PRDM16: variants seen among roughly 807,000 people sequenced by gnomAD.
PRDM16 encodes PR/SET domain 16.
In PRDM16, 23 loss-of-function variants were observed where a neutral mutation model predicts 110.6. That is an observed-to-expected ratio of 0.21 (90% CI 0.15 to 0.29). The LOEUF (loss-of-function observed/expected upper bound fraction) is 0.29, where lower values mean the gene tolerates loss of function less well. PRDM16 is among the 10% of genes least tolerant of loss of function. The pLI is 1.00. For synonymous variants in PRDM16, 799 were observed against 781.8 expected (o/e 1.02, Z -0.37); for missense variants, 1,615 against 1,794.3 (o/e 0.90, Z 1.81).
intron 3 of PRDM16, among the ~76,000 whole-genome samples, chr1:3,280,259 G>A (rs940373442): frequency 1.6e-4 from 25 of 152,286 alleles, no homozygotes; most frequent in Non-Finnish European, 1.3e-4. Flanking sequence ...TGCATGTGAC[G>A]TGTGCACATG....
chr1:3,103,967 A>T (rs1403042643), intron 1 of PRDM16, among the ~76,000 whole-genome samples: 2 of 152,224 alleles, frequency 1.3e-5, no homozygotes, highest in East Asian at 3.8e-4. Flanking sequence ...AACGGTTCAA[A>T]CCTATACAAT....
At chr1:3,345,884 C>T (rs767766927) in intron 3 of PRDM16, among the ~76,000 whole-genome samples, 21 of 152,232 alleles carry the variant, frequency 1.4e-4, no homozygotes, top group Non-Finnish European at 2.5e-4. Context: ...TGTCTCACTC[C>T]ACCCAGAGCT....
intron 12 of PRDM16, among the ~76,000 whole-genome samples, chr1:3,424,698 C>G (rs995650826): frequency 7.9e-5 from 12 of 152,272 alleles, no homozygotes; most frequent in Admixed American, 6.5e-4. Context: ...CCCAAGCCCT[C>G]CATGAATGGA....
chr1:3,417,774 T>G, intron 10 of PRDM16, 54 bp from the exon 11 acceptor site: 1 of 1,534,506 alleles, frequency 6.5e-7, no homozygotes, highest in Non-Finnish European at 9.0e-7. Flanking sequence ...TGCGTGCCCC[T>G]GAAGACAGGT....
intron 1 of PRDM16, among the ~76,000 whole-genome samples, chr1:3,171,173 G>A (rs769888271): frequency 6.6e-6 from 1 of 152,240 alleles, no homozygotes; most frequent in Non-Finnish European, 1.5e-5. Flanking sequence ...CTTGCGGCGT[G>A]ACTTGCTCTG....
At chr1:3,335,785 G>C (rs527901581) in intron 3 of PRDM16, among the ~76,000 whole-genome samples, 2 of 152,304 alleles carry the variant, frequency 1.3e-5, no homozygotes, top group Admixed American at 1.3e-4. Context: ...AGTCCACAGA[G>C]CCCAGCTGCC....
At chr1:3,154,585 G>A (rs1643830781) in intron 1 of PRDM16, among the ~76,000 whole-genome samples, 1 of 152,162 alleles carries the variant, frequency 6.6e-6, no homozygotes, top group African/African-American at 2.4e-5. Context: ...TGGCCCCCAT[G>A]GCCCAAGCTG....
In PRDM16 at chr1:3,425,617, G is replaced by T. The variant is rs558657594; in HGVS notation, c.2976G>T (p.Ser992=). The change falls in exon 13 of 17, where the codon TCG becomes TCT. Residue 992 remains serine (S), a synonymous_variant. Transcript: ENST00000270722. This position sits in a 1 kb window ranked among gnomAD's most constrained non-coding sequence, Gnocchi z 6.9. ...KYCDRSFSIS[S]NLQRHVRNIH... ...GCGACCGCTCCTTCAGCATCTCTTC[G>T]AACCTCCAGCGGCACGTCCGGAACA... 6.2e-7 allele frequency: 1 copy of T among 1,613,852 alleles called. No homozygotes were observed. The highest frequency in any genetic ancestry group is 8.5e-7 in the Non-Finnish European group (1 of 1,179,944).
rs1046233976 is a variant in PRDM16, at chr1:3,255,754, A to C, written c.438+11617A>C. On this transcript the variant is annotated intron_variant, in intron 3 of 16. Transcript: ENST00000270722. This position sits in a 1 kb window ranked among gnomAD's most constrained non-coding sequence, Gnocchi z 4.7. Reference sequence around the variant, plus strand: ...TGTGAAATATTCCTGGTGGCAGCAGAAGAAGACAGCAGACACACATAGTCC... The same window carrying C: ...TGTGAAATATTCCTGGTGGCAGCAGCAGAAGACAGCAGACACACATAGTCC... Among the ~76,000 whole-genome samples, 1 of 152,168 alleles carries C rather than the reference A, an allele frequency of 6.6e-6. No homozygotes were observed. The highest frequency in any genetic ancestry group is 6.5e-5 in the Admixed American group (1 of 15,282).
intron 3 of PRDM16, among the ~76,000 whole-genome samples, chr1:3,284,920 G>A (rs1008248063): frequency 2.0e-5 from 3 of 152,202 alleles, no homozygotes; most frequent in African/African-American, 4.8e-5. Context: ...TACTCACCAC[G>A]CTGGCCCTTC....
At chr1:3,374,297 C>T (rs1037237545) in intron 3 of PRDM16, among the ~76,000 whole-genome samples, 18 of 152,334 alleles carry the variant, frequency 1.2e-4, no homozygotes, top group African/African-American at 4.1e-4. Context: ...GCACCCAGGG[C>T]GCCCCCTTGG....
At chr1:3,325,926 G>C (rs1287725667) in intron 3 of PRDM16, among the ~76,000 whole-genome samples, 1 of 101,998 alleles carries the variant, frequency 9.8e-6, no homozygotes, top group Non-Finnish European at 2.0e-5. Context: ...GGCCCTCCTC[G>C]GCCCTCTTGG....
chr1:3,270,630 T>TC, intron 3 of PRDM16, among the ~76,000 whole-genome samples: 1 of 105,840 alleles, frequency 9.4e-6, no homozygotes, highest in Non-Finnish European at 1.7e-5. Flanking sequence ...ATGAGGACAG[T>TC]TGGGTAGGAC....
intron 2 of PRDM16, among the ~76,000 whole-genome samples, chr1:3,194,297 G>A (rs181963445): frequency 1.9e-3 from 283 of 152,354 alleles, no homozygotes; most frequent in African/African-American, 6.3e-3. Context: ...ACCTCCCTGT[G>A]CAGGGCGCTT....
At chr1:3,257,100 G>A (rs2100238237) in intron 3 of PRDM16, among the ~76,000 whole-genome samples, 1 of 152,338 alleles carries the variant, frequency 6.6e-6, no homozygotes, top group Admixed American at 6.5e-5. Flanking sequence ...CTGGCCTGCA[G>A]CAAACACTCA....
rs550778444 is a variant in PRDM16 at position 3,436,743 on chromosome 1, G to A, written c.*2932G>A. The A allele has an allele frequency of 3.4e-4, 79 of 232,838 alleles. No individual in the cohort carries two copies. Among genetic ancestry groups the A allele is most frequent in the Middle Eastern group, 1.3e-3 (1 of 782 alleles). The allele number at this position is 232,838 out of a possible 1,614,324, so 14.4% of individuals were successfully genotyped here. A position where few individuals can be genotyped will look rare whatever the true frequency, so the allele number is the denominator to read the frequency against. ...TCTGGCCTCCAGCTGTCACCACACCGTAACGGGGCCATGTAACTGTGCAGC... is the reference window on the plus strand; with the variant it reads ...TCTGGCCTCCAGCTGTCACCACACCATAACGGGGCCATGTAACTGTGCAGC... On this transcript the variant is annotated 3_prime_UTR_variant, in exon 17 of 17. Transcript: ENST00000270722.
intron 1 of PRDM16, among the ~76,000 whole-genome samples, chr1:3,181,699 CA>C: frequency 7.0e-6 from 1 of 142,952 alleles, no homozygotes; most frequent in Non-Finnish European, 1.5e-5. Context: ...CACGGTCTTA[CA>C]CACGGTCTTA....
chr1:3,423,846 C>T (rs1638509657), intron 12 of PRDM16, among the ~76,000 whole-genome samples: 1 of 152,242 alleles, frequency 6.6e-6, no homozygotes, highest in Non-Finnish European at 1.5e-5. Flanking sequence ...GTGCCATGGG[C>T]ATCATGGAGC....
chr1:3,409,097 G>T (rs1237427575), intron 8 of PRDM16, among the ~76,000 whole-genome samples: 1 of 151,516 alleles, frequency 6.6e-6, no homozygotes, highest in African/African-American at 2.4e-5. Context: ...GCGCGTGTCT[G>T]TGAGTGCGAG....
Sources: gnomAD v4.1 joint callset for allele counts (sites outside exome capture counted in the v4.1 genomes callset) on GRCh38, gnomAD v4.1.1 for gene constraint, Gnocchi (gnomAD v3.1) non-coding constraint, MANE v1.5 for transcripts, NCBI Gene and HGNC (gene_info 2026-07-23, HGNC 2026-07-21) for gene names.